The following DOK6 variants were observed in gnomAD, a reference collection of about 807,000 sequenced individuals.
DOK6 encodes the protein docking protein 6, also known as downstream of tyrosine kinase 6.
Under a neutral mutation model 44.0 loss-of-function variants are expected in DOK6, and 22 were observed. That is an observed-to-expected ratio of 0.50 (90% CI 0.36 to 0.71). The LOEUF is 0.71. Ranked by LOEUF, DOK6 falls within the 30% of genes least tolerant of loss-of-function variation. DOK6 has a pLI of 0.00. For synonymous variants in DOK6, 166 were observed against 145.5 expected, an observed-to-expected ratio of 1.14 and a Z score of -1.01; for missense variants, 340 against 416.4, an observed-to-expected ratio of 0.82 and a Z score of 1.60.
chr18:69,645,285 C>T (rs1370974431), intron 3 of DOK6, among the ~76,000 whole-genome samples: 1 of 152,160 alleles, frequency 6.6e-6, no homozygotes, highest in Admixed American at 6.6e-5. Context: ...TCCAATCTTC[C>T]CAACTGCTGA....
intron 3 of DOK6, among the ~76,000 whole-genome samples, chr18:69,612,239 A>G (rs75365884): frequency 0.011 from 1,684 of 150,602 alleles, 22 homozygotes; most frequent in African/African-American, 0.038. Context: ...GGGTGGGAAG[A>G]CAGTTGCGGA....
chr18:69,834,165 G>A (rs909004749), intron 7 of DOK6, among the ~76,000 whole-genome samples: 2 of 152,174 alleles, frequency 1.3e-5, no homozygotes, highest in African/African-American at 4.8e-5. Context: ...AGAAAATGTG[G>A]TACATATACA....
At chr18:69,422,932 C>T (rs1978534036) in intron 1 of DOK6, among the ~76,000 whole-genome samples, 1 of 152,154 alleles carries the variant, frequency 6.6e-6, no homozygotes, top group African/African-American at 2.4e-5. Flanking sequence ...ATGGAAATTG[C>T]AGAGAGTCAC....
At chr18:69,587,400 C>T (rs1468827071) in intron 2 of DOK6, among the ~76,000 whole-genome samples, 2 of 152,092 alleles carry the variant, frequency 1.3e-5, no homozygotes. Context: ...CTCAAATCTC[C>T]CTCTCCTCGT....
intron 4 of DOK6, among the ~76,000 whole-genome samples, chr18:69,688,656 G>A (rs1986202507): frequency 6.6e-6 from 1 of 152,132 alleles, no homozygotes; most frequent in South Asian, 2.1e-4. Flanking sequence ...CCGAGCAGCT[G>A]GGATTGCAGG....
intron 3 of DOK6, among the ~76,000 whole-genome samples, chr18:69,654,711 T>C (rs1985317878): frequency 6.6e-6 from 1 of 152,204 alleles, no homozygotes; most frequent in Non-Finnish European, 1.5e-5. Context: ...TGCTGACTGC[T>C]GTAGGGCTTT....
intron 7 of DOK6, among the ~76,000 whole-genome samples, chr18:69,833,617 T>C (rs999442019): frequency 1.4e-4 from 21 of 151,962 alleles, no homozygotes; most frequent in African/African-American, 5.1e-4. Context: ...AACAAATAAA[T>C]GAGACGACCT....
intron 3 of DOK6, among the ~76,000 whole-genome samples, chr18:69,651,070 G>A (rs1173406087): frequency 1.3e-5 from 2 of 152,124 alleles, no homozygotes; most frequent in Admixed American, 6.5e-5. Context: ...TTGTTGGTAA[G>A]CAAAAGGACT....
At chr18:69,841,121 G>A in intron 7 of DOK6, 123 bp from the exon 8 acceptor site, 2 of 1,262,408 alleles carry the variant, frequency 1.6e-6, no homozygotes, top group Non-Finnish European at 2.2e-6. Flanking sequence ...GGATGTGAAA[G>A]CTGCTGCCTT....
chr18:69,442,106 T>C (rs1367730950), intron 1 of DOK6, among the ~76,000 whole-genome samples: 2 of 152,192 alleles, frequency 1.3e-5, no homozygotes, highest in Non-Finnish European at 2.9e-5. Context: ...TTTTACCTTG[T>C]GTTTTTTTAA....
At chr18:69,615,299 G>A (rs1984259652) in intron 3 of DOK6, among the ~76,000 whole-genome samples, 1 of 152,196 alleles carries the variant, frequency 6.6e-6, no homozygotes, top group Non-Finnish European at 1.5e-5. Context: ...TCAGTTTCAA[G>A]TGATGTCAGT....
rs2145143621 is a variant in DOK6 at position 69,843,422 on chromosome 18, G to A, written c.*2039G>A. On this transcript the variant is annotated 3_prime_UTR_variant, in exon 8 of 8. Coordinates refer to ENST00000382713, the MANE Select transcript of DOK6 (RefSeq NM_152721.6). ...AGACCATTTGAGCACAGTTCCTAGTGGGGCCACATTCAGAGCAAGCCTCTC... is the reference window on the plus strand; with the variant it reads ...AGACCATTTGAGCACAGTTCCTAGTAGGGCCACATTCAGAGCAAGCCTCTC... 1 of 152,392 alleles carries A rather than the reference G, an allele frequency of 6.6e-6. No individual in the cohort carries two copies. The highest frequency in any genetic ancestry group is 2.4e-5 in the African/African-American group (1 of 41,564). 9.4% of individuals were successfully genotyped at this position (152,392 alleles called of 1,614,324 possible).
intron 3 of DOK6, among the ~76,000 whole-genome samples, chr18:69,656,700 T>C (rs966028457): frequency 6.6e-6 from 1 of 152,196 alleles, no homozygotes; most frequent in African/African-American, 2.4e-5. Context: ...GACACTGATA[T>C]GGTAAAAAAG....
intron 3 of DOK6, among the ~76,000 whole-genome samples, chr18:69,637,077 C>G (rs1174077479): frequency 4.6e-5 from 7 of 152,214 alleles, no homozygotes; most frequent in Admixed American, 1.3e-4. Context: ...TGGGTCATTA[C>G]CCAGAGCAGT....
Position 69,419,532 on chromosome 18 carries a change from A to T in DOK6, c.66+18222A>T, listed in dbSNP as rs114115725. 5.7e-3 allele frequency among the ~76,000 whole-genome samples: 871 copies of T among 152,250 alleles called. 7 individuals carry two copies. Among genetic ancestry groups the T allele is most frequent in the African/African-American group, 0.019 (769 of 41,560 alleles). ...TAATGCATTTGGATATTCATGATTT[A>T]CCCAGGATTCGGAATTAAAGGTGAA... On this transcript the variant is annotated intron_variant, in intron 1 of 7. Transcript: ENST00000382713.
chr18:69,804,947 C>T (rs1052100784), intron 7 of DOK6, among the ~76,000 whole-genome samples: 13 of 151,932 alleles, frequency 8.6e-5, no homozygotes, highest in East Asian at 1.9e-4. Context: ...AAATAACGTA[C>T]GAAGGAATAT....
At chr18:69,805,177 C>T (rs1228043629) in intron 7 of DOK6, among the ~76,000 whole-genome samples, 1 of 152,168 alleles carries the variant, frequency 6.6e-6, no homozygotes, top group African/African-American at 2.4e-5. Context: ...AAGAGATAAG[C>T]TCCTGCATTT....
intron 1 of DOK6, among the ~76,000 whole-genome samples, chr18:69,420,272 ATTCTT>A (rs547968020): frequency 6.6e-6 from 1 of 152,042 alleles, no homozygotes; most frequent in African/African-American, 2.4e-5. Flanking sequence ...TATTTTGACT[ATTCTT>A]TATGTATATA....
chr18:69,814,743 AC>A (rs1313159389), intron 7 of DOK6, among the ~76,000 whole-genome samples: 4 of 152,028 alleles, frequency 2.6e-5, no homozygotes, highest in Non-Finnish European at 5.9e-5. Flanking sequence ...CTTTTAAACC[AC>A]CAGGTCTCAT....
Sources: gnomAD v4.1 joint callset for allele counts (sites outside exome capture counted in the v4.1 genomes callset) on GRCh38, gnomAD v4.1.1 for gene constraint, MANE v1.5 for transcripts, NCBI Gene and HGNC (gene_info 2026-07-23, HGNC 2026-07-21) for gene names.